Variants in SUCLG2 observed in about 807,000 individuals in gnomAD.
The protein encoded by SUCLG2 is succinate-CoA ligase GDP-forming subunit beta.
Under a neutral mutation model 47.9 loss-of-function variants are expected in SUCLG2, and 42 were observed. That is an observed-to-expected ratio of 0.88 (90% CI 0.69 to 1.14). SUCLG2 has a LOEUF of 1.14. Among genes scored for constraint, SUCLG2 ranks in the 50% most tolerant of loss-of-function variants. The pLI, the probability that SUCLG2 is intolerant of heterozygous loss-of-function variation, is 0.00. For synonymous variants in SUCLG2, 195 were observed against 197.3 expected (o/e 0.99, Z 0.10); for missense variants, 571 against 525.9 (o/e 1.09, Z -0.84).
At chr3:67,473,622 T>C (rs1263468822) in intron 9 of SUCLG2, among the ~76,000 whole-genome samples, 1 of 152,178 alleles carries the variant, frequency 6.6e-6, no homozygotes, top group Non-Finnish European at 1.5e-5. Flanking sequence ...CACTTCATTT[T>C]AGAGGGAGTT....
At chr3:67,444,089 G>C (rs1286125130) in intron 9 of SUCLG2, among the ~76,000 whole-genome samples, 4 of 105,316 alleles carry the variant, frequency 3.8e-5, no homozygotes, top group East Asian at 4.4e-4. Context: ...CTGGCCAGCC[G>C]CGCCGTCCGG....
At chr3:67,437,721 C>A (rs1703658598) in intron 9 of SUCLG2, among the ~76,000 whole-genome samples, 1 of 151,850 alleles carries the variant, frequency 6.6e-6, no homozygotes, top group Non-Finnish European at 1.5e-5. Flanking sequence ...GAATTTCATG[C>A]ATCAGAAAAT....
In SUCLG2 at chr3:67,361,201, G is replaced by A. The variant is rs563465837; in HGVS notation, c.1184-433C>T. ...AAAAATCACTCAAGAGTCTTTTGGT[G>A]CCTTTTTGGGCTGCACCTATAAATG... On this transcript the variant is annotated intron_variant, in intron 10 of 10. Coordinates refer to the SUCLG2 transcript ENST00000493112. Among the ~76,000 whole-genome samples, 4 of 151,802 alleles carry A rather than the reference G, an allele frequency of 2.6e-5. No homozygotes were observed. The South Asian group carries it at 8.3e-4, about 32-fold the overall frequency.
intron 2 of SUCLG2, among the ~76,000 whole-genome samples, chr3:67,536,670 A>G (rs1164730126): frequency 1.3e-5 from 2 of 152,226 alleles, no homozygotes; most frequent in Non-Finnish European, 2.9e-5. Flanking sequence ...TTCTCCAGAC[A>G]GCCAATGCAG....
At chr3:67,573,501 T>C (rs1271938689) in intron 2 of SUCLG2, among the ~76,000 whole-genome samples, 1 of 152,204 alleles carries the variant, frequency 6.6e-6, no homozygotes, top group Non-Finnish European at 1.5e-5. Context: ...ATTTAGTAGC[T>C]TAACACAATG....
chr3:67,377,388 CT>C (rs1397060177), intron 10 of SUCLG2, among the ~76,000 whole-genome samples: 3 of 152,302 alleles, frequency 2.0e-5, no homozygotes, highest in Admixed American at 6.5e-5. Context: ...TGTGGCAGGC[CT>C]GGCTGGCTTT....
intron 9 of SUCLG2, among the ~76,000 whole-genome samples, chr3:67,411,393 G>A (rs1382638488): frequency 6.6e-6 from 1 of 152,018 alleles, no homozygotes; most frequent in Admixed American, 6.6e-5. Flanking sequence ...ATCCTGTGAG[G>A]TTTTAGGCAT....
At chr3:67,511,869 A>G (rs1431015176) in intron 6 of SUCLG2, among the ~76,000 whole-genome samples, 1 of 145,388 alleles carries the variant, frequency 6.9e-6, no homozygotes, top group Admixed American at 6.7e-5. Context: ...GTGTGTGTGT[A>G]CAAGAGAGTG....
At chr3:67,615,005 CCCTT>C (rs1700598967) in intron 1 of SUCLG2, among the ~76,000 whole-genome samples, 2 of 152,126 alleles carry the variant, frequency 1.3e-5, no homozygotes, top group Admixed American at 6.6e-5. Context: ...TGCCATCATT[CCCTT>C]CCTTCCTGCG....
chr3:67,394,136 C>T (rs1702465202), intron 10 of SUCLG2, among the ~76,000 whole-genome samples: 1 of 152,196 alleles, frequency 6.6e-6, no homozygotes, highest in Non-Finnish European at 1.5e-5. Context: ...CAAAGGAATG[C>T]AGTTCCTCAC....
Position 67,455,679 on chromosome 3 carries a change from G to C in SUCLG2, c.1062+40119C>G, listed in dbSNP as rs78243112. Among the ~76,000 whole-genome samples, 322 of 152,044 alleles carry C rather than the reference G, an allele frequency of 2.1e-3. 10 individuals carry two copies. In the East Asian group the frequency reaches 0.058, roughly 27 times the overall value. ...TCACTGTACTGTGCTCTAGGTACTGGGTGGAGGAAAAAAAAAACACTGATG... is the reference window on the plus strand; with the variant it reads ...TCACTGTACTGTGCTCTAGGTACTGCGTGGAGGAAAAAAAAAACACTGATG... On this transcript the variant is annotated intron_variant, in intron 9 of 10. Transcript: ENST00000307227.
chr3:67,532,944 TAAAC>T (rs1272413417), intron 2 of SUCLG2, among the ~76,000 whole-genome samples: 1 of 152,132 alleles, frequency 6.6e-6, no homozygotes, highest in African/African-American at 2.4e-5. Context: ...TGCTAGATAA[TAAAC>T]ATTCTTGGAA....
chr3:67,550,207 G>C (rs1434702315), intron 2 of SUCLG2, among the ~76,000 whole-genome samples: 1 of 152,214 alleles, frequency 6.6e-6, no homozygotes, highest in Non-Finnish European at 1.5e-5. Flanking sequence ...TGAGACTCAG[G>C]CCACATTACT....
intron 2 of SUCLG2, among the ~76,000 whole-genome samples, chr3:67,595,647 A>C (rs879283828): frequency 2.6e-5 from 4 of 152,190 alleles, no homozygotes; most frequent in African/African-American, 7.2e-5. Flanking sequence ...CACTCTGAGA[A>C]GCTCCATTGT....
At chr3:67,470,256 TG>T (rs1170705734) in intron 9 of SUCLG2, among the ~76,000 whole-genome samples, 1 of 152,184 alleles carries the variant, frequency 6.6e-6, no homozygotes, top group East Asian at 1.9e-4. Flanking sequence ...ACATTTCATG[TG>T]GTATTCTCAG....
At chr3:67,398,092 T>G (rs913387827) in intron 10 of SUCLG2, among the ~76,000 whole-genome samples, 2 of 150,264 alleles carry the variant, frequency 1.3e-5, no homozygotes, top group African/African-American at 4.9e-5. Context: ...GGCATTACCA[T>G]TCAGGACATA....
intron 9 of SUCLG2, among the ~76,000 whole-genome samples, chr3:67,449,726 C>A (rs530130693): frequency 6.6e-6 from 1 of 151,722 alleles, no homozygotes; most frequent in Non-Finnish European, 1.5e-5. Flanking sequence ...GCAATCCTCA[C>A]GCTCAGCCCC....
intron 9 of SUCLG2, among the ~76,000 whole-genome samples, chr3:67,446,602 T>C (rs1042432604): frequency 6.9e-6 from 1 of 144,980 alleles, no homozygotes; most frequent in African/African-American, 2.5e-5. Flanking sequence ...GCTAATTTCT[T>C]TTTTTTTTTT....
rs189036509 is a variant in SUCLG2 at position 67,568,612 on chromosome 3, G to A, written c.227-39426C>T. Among the ~76,000 whole-genome samples the A allele has an allele frequency of 1.9e-3, 295 of 152,316 alleles. 1 individual carries two copies. Among genetic ancestry groups the A allele is most frequent in the African/African-American group, 6.8e-3 (283 of 41,582 alleles). Reference sequence around the variant, plus strand: ...TTTTAAAAAATAAAGAGTGAGCCGGGCGCGGTGGCTCACGCCTGTAATCCC... The same window carrying A: ...TTTTAAAAAATAAAGAGTGAGCCGGACGCGGTGGCTCACGCCTGTAATCCC... On this transcript the variant is annotated intron_variant, in intron 2 of 10. Coordinates refer to ENST00000307227, the MANE Select transcript of SUCLG2 (RefSeq NM_003848.4).
Sources: allele counts gnomAD v4.1 joint callset (sites outside exome capture counted in the v4.1 genomes callset), GRCh38; gene constraint gnomAD v4.1.1; transcripts MANE v1.5; gene names NCBI Gene and HGNC (gene_info 2026-07-23, HGNC 2026-07-21).